Variants in TXNDC8 observed in about 807,000 individuals in gnomAD.
TXNDC8 encodes the protein thioredoxin domain-containing protein 8.
A neutral mutation model predicts 12.9 loss-of-function variants in TXNDC8; 15 were observed. The ratio of observed to expected loss-of-function variants is 1.16; its 90% CI spans 0.78 to 1.79. The LOEUF is 1.79. Among genes scored for constraint, TXNDC8 ranks in the 40% most tolerant of loss-of-function variants. The pLI, the probability that TXNDC8 is intolerant of heterozygous loss-of-function variation, is 0.00. For synonymous variants in TXNDC8, 40 were observed against 35.4 expected (o/e 1.13, Z -0.46); for missense variants, 128 against 113.2 (o/e 1.13, Z -0.59).
At chr9:110,305,614 T>TTTC in intron 3 of TXNDC8, among the ~76,000 whole-genome samples, 1 of 139,818 alleles carries the variant, frequency 7.2e-6, no homozygotes, top group Non-Finnish European at 1.6e-5. Context: ...TTCTTTCTTT[T>TTTC]TCTTCCTTCC....
At chr9:110,328,999 G>C (rs1012572023) in intron 2 of TXNDC8, among the ~76,000 whole-genome samples, 5 of 152,204 alleles carry the variant, frequency 3.3e-5, no homozygotes, top group African/African-American at 1.2e-4. Flanking sequence ...CAGCATAAGA[G>C]GGGAGAGGGG....
chr9:110,302,462 A>G (rs1226237738), downstream of TXNDC8, among the ~76,000 whole-genome samples: 1 of 152,200 alleles, frequency 6.6e-6, no homozygotes, highest in Non-Finnish European at 1.5e-5. Flanking sequence ...AAAAAAGCAT[A>G]TGGAGCCTAT....
chr9:110,332,545 A>G (rs557164881), intron 2 of TXNDC8, among the ~76,000 whole-genome samples: 1 of 148,944 alleles, frequency 6.7e-6, no homozygotes, highest in African/African-American at 2.5e-5. Context: ...AAACCTTGCT[A>G]AAAATAAACC....
intron 2 of TXNDC8, among the ~76,000 whole-genome samples, chr9:110,331,303 A>C (rs1053738020): frequency 1.4e-4 from 21 of 152,154 alleles, no homozygotes; most frequent in Non-Finnish European, 2.4e-4. Context: ...TGGTGGCTGT[A>C]GTAGCTGCCT....
downstream of TXNDC8, among the ~76,000 whole-genome samples, chr9:110,301,694 A>G (rs1330876491): frequency 6.6e-6 from 1 of 152,234 alleles, no homozygotes; most frequent in Non-Finnish European, 1.5e-5. Context: ...AATAAAGAAC[A>G]TCTATCTGTA....
chr9:110,328,356 G>A (rs1471291151), intron 2 of TXNDC8, among the ~76,000 whole-genome samples: 1 of 152,104 alleles, frequency 6.6e-6, no homozygotes, highest in African/African-American at 2.4e-5. Flanking sequence ...ATTTTTTGGG[G>A]GGATGGGATG....
intron 3 of TXNDC8, chr9:110,324,033 G>T: frequency 6.5e-7 from 1 of 1,545,496 alleles, no homozygotes; most frequent in Non-Finnish European, 8.7e-7. Flanking sequence ...GAATGCAAAA[G>T]GGAGTGGTTC....
At chr9:110,313,510 G>C (rs539570377) in intron 3 of TXNDC8, among the ~76,000 whole-genome samples, 1 of 152,024 alleles carries the variant, frequency 6.6e-6, no homozygotes, top group East Asian at 1.9e-4. Context: ...AGACCAGCCT[G>C]GCCAACGTGG....
chr9:110,324,138 G>A (rs563063176), intron 3 of TXNDC8: 4 of 1,160,754 alleles, frequency 3.4e-6, no homozygotes, highest in East Asian at 5.6e-5. Flanking sequence ...GTAACTGATG[G>A]ATAGAGGCCT....
At position 110,304,663 on chromosome 9, in the gene TXNDC8, G is replaced by C. The variant is rs1038792422; in HGVS notation, c.196-131C>G. ...AAAGGATCTGCAAAAGTTTCTCTTTGCTAAGAGTTAGGTGGCAGCTGGGTG... is the reference window on the plus strand; with the variant it reads ...AAAGGATCTGCAAAAGTTTCTCTTTCCTAAGAGTTAGGTGGCAGCTGGGTG... On this transcript the variant is annotated intron_variant, in intron 3 of 4. Coordinates refer to ENST00000423740, the MANE Select transcript of TXNDC8 (RefSeq NM_001286946.2). 1.6e-5 allele frequency: 12 copies of C among 770,284 alleles called. 1 individual carries two copies. The Admixed American group carries it at 2.5e-4, about 16-fold the overall frequency. 47.7% of individuals were successfully genotyped at this position (770,284 alleles called of 1,614,324 possible). A position where few individuals can be genotyped will look rare whatever the true frequency, so the allele number is the denominator to read the frequency against.
intron 3 of TXNDC8, among the ~76,000 whole-genome samples, chr9:110,306,601 T>G (rs10759407): frequency 0.12 from 17,698 of 152,244 alleles, 1,139 homozygotes; most frequent in African/African-American, 0.17. Flanking sequence ...AAATACTTAA[T>G]AAGTGCCTAC....
At chr9:110,332,003 G>A (rs1839565048) in intron 2 of TXNDC8, among the ~76,000 whole-genome samples, 1 of 152,038 alleles carries the variant, frequency 6.6e-6, no homozygotes, top group African/African-American at 2.4e-5. Flanking sequence ...ACATAATACA[G>A]GAATGTCTTC....
chr9:110,316,467 C>T (rs13291440), intron 3 of TXNDC8, among the ~76,000 whole-genome samples: 5,398 of 152,208 alleles, frequency 0.035, 130 homozygotes, highest in Non-Finnish European at 0.048. Context: ...GGTATTTGAA[C>T]ACTTCCCCTT....
At chr9:110,313,650 G>A (rs528647568) in intron 3 of TXNDC8, among the ~76,000 whole-genome samples, 2 of 152,042 alleles carry the variant, frequency 1.3e-5, no homozygotes, top group East Asian at 1.9e-4. Context: ...GCAGTGAGCC[G>A]AGACCGTGCC....
intron 3 of TXNDC8, among the ~76,000 whole-genome samples, chr9:110,319,870 T>C (rs1839026425): frequency 6.6e-6 from 1 of 152,198 alleles, no homozygotes; most frequent in Non-Finnish European, 1.5e-5. Flanking sequence ...GAGCATGCTG[T>C]TGAAATGACT....
At chr9:110,330,781 T>C (rs1219509887) in intron 2 of TXNDC8, among the ~76,000 whole-genome samples, 2 of 152,216 alleles carry the variant, frequency 1.3e-5, no homozygotes, top group African/African-American at 2.4e-5. Flanking sequence ...GTGACAGAGA[T>C]CATATGGCCT....
At chr9:110,304,022 G>A (rs1838333216) in intron 4 of TXNDC8, among the ~76,000 whole-genome samples, 1 of 152,158 alleles carries the variant, frequency 6.6e-6, no homozygotes, top group African/African-American at 2.4e-5. Context: ...TTGATTCTAA[G>A]AAGCACATGT....
In TXNDC8 at chr9:110,337,804, C is replaced by A. The variant is rs1017123593; in HGVS notation, c.-8G>T. 6.2e-7 allele frequency: 1 copy of A among 1,613,654 alleles called. No homozygotes were observed. Among genetic ancestry groups the A allele is most frequent in the Admixed American group, 1.7e-5 (1 of 59,994 alleles). ...TTTAATAATCTGTACCATGATTACA[C>A]CAGGGAAGTGCTGATGAAAATCCCC... is the stretch of plus-strand genomic sequence containing the variant. On this transcript the variant is annotated 5_prime_UTR_variant, in exon 1 of 5. Transcript: ENST00000423740.
At chr9:110,311,965 C>G (rs761677878) in intron 3 of TXNDC8, among the ~76,000 whole-genome samples, 1 of 150,224 alleles carries the variant, frequency 6.7e-6, no homozygotes, top group Non-Finnish European at 1.5e-5. Context: ...CTCTGCTTGC[C>G]GCAACCTCCA....
Sources: allele counts gnomAD v4.1 joint callset (sites outside exome capture counted in the v4.1 genomes callset), GRCh38; gene constraint gnomAD v4.1.1; transcripts MANE v1.5; gene names NCBI Gene and HGNC (gene_info 2026-07-23, HGNC 2026-07-21).